Variants in PHF24 observed in about 807,000 individuals in gnomAD.
The protein encoded by PHF24 is Galpha inhibitory interacting protein.
A neutral mutation model predicts 42.6 loss-of-function variants in PHF24; 25 were observed. That is an observed-to-expected ratio of 0.59 (90% CI 0.43 to 0.82). The LOEUF is 0.82. Ranked by LOEUF, PHF24 falls within the 40% of genes least tolerant of loss-of-function variation. The pLI is 0.00. For synonymous variants in PHF24, 185 were observed against 204.8 expected (o/e 0.90, Z 0.83); for missense variants, 470 against 538.1 (o/e 0.87, Z 1.25).
the PHF24 span, among the ~76,000 whole-genome samples, chr9:34,949,133 G>T: frequency 6.6e-6 from 1 of 152,116 alleles, no homozygotes; most frequent in Admixed American, 6.5e-5. Flanking sequence ...AATCAGTAAG[G>T]ATACAGAAGA....
chr9:34,978,920 C>T (rs1827299187), exon 8 of PHF24: 2 of 152,176 alleles, frequency 1.3e-5, no homozygotes, highest in African/African-American at 4.8e-5. Flanking sequence ...CAAGGTGAGC[C>T]TTCTTGGCCC....
upstream of PHF24, among the ~76,000 whole-genome samples, chr9:34,955,375 A>C (rs1826348109): frequency 6.7e-6 from 1 of 149,276 alleles, no homozygotes; most frequent in Non-Finnish European, 1.5e-5. Context: ...AAGACAGTTA[A>C]GAGTGGTTGG....
At chr9:34,694,159 C>CTTTTTTTTTTTTTT in the PHF24 span, among the ~76,000 whole-genome samples, 2 of 66,124 alleles carry the variant, frequency 3.0e-5, 1 homozygote, top group African/African-American at 1.2e-4. Flanking sequence ...TATCTCTATT[C>CTTTTTTTTTTTTTT]TTTTTTTTTT....
chr9:34,917,047 A>T, the PHF24 span: 3 of 609,594 alleles, frequency 4.9e-6, no homozygotes, highest in Non-Finnish European at 9.0e-6. Flanking sequence ...CATGAGGGAG[A>T]GTCAAGAGTG....
the PHF24 span, chr9:34,922,084 C>T: frequency 9.3e-7 from 1 of 1,072,422 alleles, no homozygotes; most frequent in Non-Finnish European, 1.4e-6. Context: ...GTAACATAAA[C>T]CTGTCATAAA....
the PHF24 span, among the ~76,000 whole-genome samples, chr9:34,773,386 G>A: frequency 6.6e-6 from 1 of 151,876 alleles, no homozygotes; most frequent in Admixed American, 6.6e-5. Flanking sequence ...CATGCAAGAT[G>A]AGCTTGAAGC....
At chr9:34,711,679 A>C in the PHF24 span, among the ~76,000 whole-genome samples, 1 of 151,522 alleles carries the variant, frequency 6.6e-6, no homozygotes, top group East Asian at 1.9e-4. Context: ...AGTAACTGGG[A>C]TTATGGGCAC....
chr9:34,886,933 G>T, the PHF24 span, among the ~76,000 whole-genome samples: 2 of 151,872 alleles, frequency 1.3e-5, no homozygotes, highest in African/African-American at 4.8e-5. Context: ...AATTGTCTAA[G>T]CAACATACGT....
chr9:34,860,687 A>AGTGTGTGTGTGT, the PHF24 span, among the ~76,000 whole-genome samples: 3 of 149,954 alleles, frequency 2.0e-5, no homozygotes, highest in East Asian at 2.0e-4. Flanking sequence ...GACCTTTAAA[A>AGTGTGTGTGTGT]GTGTGTGTGT....
the PHF24 span, among the ~76,000 whole-genome samples, chr9:34,740,291 C>T: frequency 0.044 from 6,742 of 152,288 alleles, 506 homozygotes; most frequent in African/African-American, 0.15. Context: ...CAGGGGGCGG[C>T]GCTAGTCAGG....
At chr9:34,726,778 C>T in the PHF24 span, 2,609 of 1,551,732 alleles carry the variant, frequency 1.7e-3, 2 homozygotes, top group Non-Finnish European at 2.1e-3. Flanking sequence ...AGGAATGAAA[C>T]TCCAGACTCT....
chr9:34,672,671 C>T, the PHF24 span, among the ~76,000 whole-genome samples: 4 of 152,024 alleles, frequency 2.6e-5, no homozygotes, highest in African/African-American at 7.3e-5. Context: ...TAGTCCCACA[C>T]CCATAATAAC....
the PHF24 span, among the ~76,000 whole-genome samples, chr9:34,801,136 G>T: frequency 1.3e-5 from 2 of 152,166 alleles, no homozygotes; most frequent in Admixed American, 1.3e-4. Context: ...CAGTTAGAAC[G>T]CCGATCATTA....
At chr9:34,790,271 C>T in the PHF24 span, among the ~76,000 whole-genome samples, 1 of 152,200 alleles carries the variant, frequency 6.6e-6, no homozygotes, top group Non-Finnish European at 1.5e-5. Context: ...AGTTATTAGG[C>T]AGATGTCCTC....
the PHF24 span, among the ~76,000 whole-genome samples, chr9:34,924,210 T>C: frequency 2.9e-3 from 449 of 152,378 alleles, 4 homozygotes; most frequent in Middle Eastern, 0.037. Context: ...ACTTCTTTTG[T>C]GGCCTAATAT....
At chr9:34,947,357 C>T in the PHF24 span, among the ~76,000 whole-genome samples, 3 of 151,974 alleles carry the variant, frequency 2.0e-5, no homozygotes, top group Non-Finnish European at 4.4e-5. Flanking sequence ...TAAGTCACAG[C>T]GCAGCACATT....
At chr9:34,723,683 A>G in the PHF24 span, 53 of 1,551,472 alleles carry the variant, frequency 3.4e-5, no homozygotes, top group Non-Finnish European at 4.2e-5. Flanking sequence ...TTGGCCTTGC[A>G]AAGTTTGGCC....
the PHF24 span, among the ~76,000 whole-genome samples, chr9:34,777,864 C>G: frequency 1.3e-5 from 2 of 152,190 alleles, no homozygotes; most frequent in African/African-American, 4.8e-5. Flanking sequence ...GGAGCAGTGT[C>G]ATTTCACAAT....
chr9:34,780,440 C>T, the PHF24 span, among the ~76,000 whole-genome samples: 3 of 151,174 alleles, frequency 2.0e-5, no homozygotes, highest in East Asian at 1.9e-4. Context: ...GAGCACACCA[C>T]CACACCCAGT....
Sources: gnomAD v4.1 joint callset for allele counts (sites outside exome capture counted in the v4.1 genomes callset) on GRCh38, gnomAD v4.1.1 for gene constraint, MANE v1.5 for transcripts, NCBI Gene and HGNC (gene_info 2026-07-23, HGNC 2026-07-21) for gene names.